DOCK2: variants seen among roughly 807,000 people sequenced by gnomAD.
The protein encoded by DOCK2 is dedicator of cytokinesis protein 2.
Under a neutral mutation model 248.9 loss-of-function variants are expected in DOCK2, and 87 were observed. The observed-to-expected ratio is 0.35, with a 90% CI of 0.29 to 0.42. DOCK2 has a LOEUF of 0.42. DOCK2 is among the 10% of genes least tolerant of loss of function. The probability of loss-of-function intolerance (pLI) is 1.00; values close to 1 mark genes in which losing one functional copy is unlikely to be tolerated. For synonymous variants in DOCK2, 805 were observed against 821.6 expected, an observed-to-expected ratio of 0.98 and a Z score of 0.35; for missense variants, 1,747 against 2,300.2, an observed-to-expected ratio of 0.76 and a Z score of 4.92.
At chr5:169,697,829 C>T (rs1581053019) in intron 10 of DOCK2, among the ~76,000 whole-genome samples, 1 of 152,080 alleles carries the variant, frequency 6.6e-6, no homozygotes, top group Non-Finnish European at 1.5e-5. Flanking sequence ...GAGTTCTTTA[C>T]CTTGGTTTTG....
rs1431548639 is a variant in DOCK2, at chr5:169,807,473, A to G, written c.2703+4267A>G. Among the ~76,000 whole-genome samples, 4 of 152,088 alleles carry G rather than the reference A, an allele frequency of 2.6e-5. No homozygotes were observed. The East Asian group carries it at 7.7e-4, about 29-fold the overall frequency. ...CTTTAGTATTCACTGGAAATAGAGG[A>G]ATAGCTGGGCTCATTCTCAGTTCTT... On this transcript the variant is annotated intron_variant, in intron 26 of 51. Transcript: ENST00000520908.
chr5:169,689,708 G>A (rs1760185213), intron 9 of DOCK2, among the ~76,000 whole-genome samples: 1 of 152,100 alleles, frequency 6.6e-6, no homozygotes, highest in Non-Finnish European at 1.5e-5. Flanking sequence ...CTTTGTTCAG[G>A]GCTTTCTGAA....
At position 169,764,155 on chromosome 5, in the gene DOCK2, G is replaced by A. The variant is rs1176840427; in HGVS notation, c.2554+2530G>A. 2.0e-5 allele frequency among the ~76,000 whole-genome samples: 3 copies of A among 152,194 alleles called. No homozygotes were observed. Among genetic ancestry groups the A allele is most frequent in the Non-Finnish European group, 4.4e-5 (3 of 68,030 alleles). ...TGTTATTCTCCCTGTGAAGTGTCCT[G>A]TGCCTCGGGGACGTGATTTGCTTTG... On this transcript the variant is annotated intron_variant, in intron 25 of 51. Transcript: ENST00000520908. The surrounding 1 kb of genome is among the most constrained non-coding windows in gnomAD (Gnocchi z 4.3).
chr5:169,755,144 C>A (rs998495274), intron 23 of DOCK2, among the ~76,000 whole-genome samples: 26 of 151,638 alleles, frequency 1.7e-4, no homozygotes, highest in Non-Finnish European at 3.4e-4. Flanking sequence ...TTAAGTCTTG[C>A]CATGTTGCTT....
intron 8 of DOCK2, among the ~76,000 whole-genome samples, chr5:169,684,963 A>G (rs1426922192): frequency 2.0e-5 from 3 of 152,224 alleles, no homozygotes; most frequent in African/African-American, 4.8e-5. Flanking sequence ...TCTACTTTCA[A>G]AATAGGAGCT....
At chr5:169,947,856 A>G (rs894178056) in intron 27 of DOCK2, among the ~76,000 whole-genome samples, 1 of 152,164 alleles carries the variant, frequency 6.6e-6, no homozygotes, top group Non-Finnish European at 1.5e-5. Context: ...TACAGCATAC[A>G]TGGTGCCTGC....
chr5:170,077,238 G>A (rs1292996783), intron 47 of DOCK2, among the ~76,000 whole-genome samples: 1 of 152,144 alleles, frequency 6.6e-6, no homozygotes, highest in East Asian at 1.9e-4. Context: ...AATGTCCAGA[G>A]TTTTTATTGG....
At chr5:169,933,438 A>T (rs1369012856) in intron 27 of DOCK2, among the ~76,000 whole-genome samples, 1 of 152,232 alleles carries the variant, frequency 6.6e-6, no homozygotes, top group African/African-American at 2.4e-5. Flanking sequence ...GCTGCTATAG[A>T]AGAGCTCTTT....
At chr5:169,914,422 C>T (rs536874079) in intron 27 of DOCK2, among the ~76,000 whole-genome samples, 5 of 152,322 alleles carry the variant, frequency 3.3e-5, no homozygotes, top group African/African-American at 1.2e-4. Flanking sequence ...TGGGGAATAT[C>T]CGTGAACCAG....
In DOCK2 at chr5:170,045,668, C is replaced by T. The variant is rs59074541; in HGVS notation, c.3877-148C>T. 5,661 of 730,768 alleles carry T rather than the reference C, an allele frequency of 7.7e-3. 237 individuals are homozygous for T. In the African/African-American group the frequency reaches 0.081, roughly 10 times the overall value. 45.3% of individuals were successfully genotyped at this position (730,768 alleles called of 1,614,324 possible). A position where few individuals can be genotyped will look rare whatever the true frequency, so the allele number is the denominator to read the frequency against. ...AAGGTCGTCCTCTCTAGGAAGCCCC[C>T]GGCCCCTCTGTATGGGGGTGGATCT... On this transcript the variant is annotated intron_variant, in intron 38 of 51. Coordinates refer to ENST00000520908, the MANE Select transcript of DOCK2 (RefSeq NM_004946.3).
rs765408345 is a variant in DOCK2, at chr5:169,637,335, C to G, written c.9C>G (p.Pro3=). The G allele has an allele frequency of 2.1e-6, 3 of 1,427,604 alleles. No homozygotes were observed. Among genetic ancestry groups the G allele is most frequent in the Non-Finnish European group, 2.7e-6 (3 of 1,092,390 alleles). The allele number at this position is 1,427,604 out of a possible 1,614,324, so 88.4% of individuals were successfully genotyped here. A position where few individuals can be genotyped will look rare whatever the true frequency, so the allele number is the denominator to read the frequency against. The change falls in exon 1 of 52, where the codon CCC becomes CCG. Residue 3 remains proline (P), a synonymous_variant. Transcript: ENST00000520908. MA[P]WRKADKERHG... The stretch of plus-strand genomic sequence containing the variant: ...GAGGCCCCGGCCCAGCCATGGCCCC[C>G]TGGCGCAAAGCTGACAAGGAGCGGC...
intron 27 of DOCK2, among the ~76,000 whole-genome samples, chr5:169,981,844 A>G (rs1581502733): frequency 6.6e-6 from 1 of 152,204 alleles, no homozygotes; most frequent in African/African-American, 2.4e-5. Context: ...ATGCTATTGC[A>G]TACTTAATAG....
intron 25 of DOCK2, 76 bp downstream of exon 25, chr5:169,761,701 G>A (rs926292572): frequency 1.2e-5 from 15 of 1,256,052 alleles, no homozygotes; most frequent in Admixed American, 1.7e-5. Context: ...AGCTTGGCAG[G>A]AGAGGGCAAC....
chr5:169,865,155 A>G (rs1354686279), intron 27 of DOCK2, among the ~76,000 whole-genome samples: 1 of 152,178 alleles, frequency 6.6e-6, no homozygotes, highest in Admixed American at 6.5e-5. Flanking sequence ...TCCTCTACTG[A>G]TGGATGGACA....
Position 169,882,637 on chromosome 5 carries a change from T to G in DOCK2, c.2799+41785T>G, listed in dbSNP as rs183059388. Reference sequence around the variant, plus strand: ...TTTCTCTTGGTTCGAGTGCAGAGATTCCTCCACAGATTGCAGTCGGCCTTG... The same window carrying G: ...TTTCTCTTGGTTCGAGTGCAGAGATGCCTCCACAGATTGCAGTCGGCCTTG... On this transcript the variant is annotated intron_variant, in intron 27 of 51. Coordinates refer to ENST00000520908, the MANE Select transcript of DOCK2 (RefSeq NM_004946.3). 143 of 1,551,960 alleles carry G rather than the reference T, an allele frequency of 9.2e-5. No homozygotes were observed. The African/African-American group carries it at 1.8e-3, about 20-fold the overall frequency.
chr5:169,904,566 C>T (rs534216064), intron 27 of DOCK2, among the ~76,000 whole-genome samples: 12 of 152,018 alleles, frequency 7.9e-5, no homozygotes, highest in Non-Finnish European at 1.8e-4. Flanking sequence ...AGAGTGCTGG[C>T]GACCTCAGCA....
At chr5:169,812,600 A>G (rs566711954) in intron 26 of DOCK2, among the ~76,000 whole-genome samples, 2 of 152,336 alleles carry the variant, frequency 1.3e-5, no homozygotes, top group East Asian at 3.9e-4. Flanking sequence ...ACCTGTCTGT[A>G]TGATGAGGAT....
At chr5:169,917,073 A>G (rs1314489734) in intron 27 of DOCK2, among the ~76,000 whole-genome samples, 1 of 152,246 alleles carries the variant, frequency 6.6e-6, no homozygotes, top group Non-Finnish European at 1.5e-5. Context: ...CTCACAGCTT[A>G]AAGTCAGTGG....
intron 27 of DOCK2, among the ~76,000 whole-genome samples, chr5:169,848,698 T>A (rs1770461278): frequency 6.6e-6 from 1 of 152,204 alleles, no homozygotes; most frequent in Non-Finnish European, 1.5e-5. Context: ...GGGTGATATA[T>A]TTTGGGCCTA....
Sources: gnomAD v4.1 joint callset for allele counts (sites outside exome capture counted in the v4.1 genomes callset) on GRCh38, gnomAD v4.1.1 for gene constraint, Gnocchi (gnomAD v3.1) non-coding constraint, MANE v1.5 for transcripts, NCBI Gene and HGNC (gene_info 2026-07-23, HGNC 2026-07-21) for gene names.